The following ABCG2 variants were observed in gnomAD, a reference collection of about 807,000 sequenced individuals.
ABCG2 encodes broad substrate specificity ATP-binding cassette transporter ABCG2.
In ABCG2, 80 loss-of-function variants were observed where a neutral mutation model predicts 73.5. The observed-to-expected ratio is 1.09, with a 90% CI of 0.91 to 1.31. The LOEUF (loss-of-function observed/expected upper bound fraction) is 1.31, where lower values mean the gene tolerates loss of function less well. Ranked by LOEUF, ABCG2 falls within the 50% of genes most tolerant of loss-of-function variation. The probability of loss-of-function intolerance (pLI) is 0.00; values close to 1 mark genes in which losing one functional copy is unlikely to be tolerated. For synonymous variants in ABCG2, 269 were observed against 282.4 expected (o/e 0.95, Z 0.48); for missense variants, 796 against 786.2 (o/e 1.01, Z -0.15).
intron 11 of ABCG2, among the ~76,000 whole-genome samples, chr4:88,100,427 C>G (rs1166502727): frequency 6.6e-6 from 1 of 150,980 alleles, no homozygotes; most frequent in African/African-American, 2.4e-5. Context: ...CGCTTGAACC[C>G]GGGAGGTAGA....
rs184040530 is a variant in ABCG2 at position 88,205,722 on chromosome 4, G to A, written c.-20+25272C>T. Among the ~76,000 whole-genome samples the A allele has an allele frequency of 3.0e-3, 456 of 151,516 alleles. 2 individuals carry two copies. The highest frequency in any genetic ancestry group is 3.9e-3 in the Non-Finnish European group (266 of 67,902). ...TTTTGAGACGGAGTCTTGCTCTGTC[G>A]CCCAGGCTGGAGTGCAGTGGCGCGA... On this transcript the variant is annotated intron_variant, in intron 1 of 15. Transcript: ENST00000515655.
intron 9 of ABCG2, among the ~76,000 whole-genome samples, chr4:88,110,468 G>A (rs1056034795): frequency 1.3e-5 from 2 of 152,000 alleles, no homozygotes; most frequent in South Asian, 2.1e-4. Flanking sequence ...GCTTGAACCC[G>A]GGAGGCGGAG....
At chr4:88,177,239 T>A (rs1728033299) in intron 1 of ABCG2, among the ~76,000 whole-genome samples, 1 of 151,854 alleles carries the variant, frequency 6.6e-6, no homozygotes, top group Non-Finnish European at 1.5e-5. Flanking sequence ...GCCAGCATGG[T>A]GGCAGGCGCC....
At chr4:88,201,974 C>A (rs1729179350) in intron 1 of ABCG2, among the ~76,000 whole-genome samples, 1 of 152,050 alleles carries the variant, frequency 6.6e-6, no homozygotes, top group African/African-American at 2.4e-5. Context: ...GGAAGAAATT[C>A]TGATTTAATT....
chr4:88,199,792 A>G (rs1729081323), intron 1 of ABCG2, among the ~76,000 whole-genome samples: 1 of 151,664 alleles, frequency 6.6e-6, no homozygotes, highest in Admixed American at 6.6e-5. Flanking sequence ...AAGGTCAGGA[A>G]ATCGAGACTA....
intron 1 of ABCG2, among the ~76,000 whole-genome samples, chr4:88,140,517 G>C (rs1368488343): frequency 6.6e-6 from 1 of 152,020 alleles, no homozygotes. Context: ...AGCTACTTGG[G>C]AGGCTGAGGC....
chr4:88,162,851 C>T (rs1440967100), upstream of ABCG2, among the ~76,000 whole-genome samples: 1 of 152,168 alleles, frequency 6.6e-6, no homozygotes, highest in African/African-American at 2.4e-5. Context: ...TGCCCTCTGC[C>T]CTCCACCACA....
At chr4:88,100,320 C>A (rs922990168) in intron 11 of ABCG2, among the ~76,000 whole-genome samples, 1 of 151,682 alleles carries the variant, frequency 6.6e-6, no homozygotes, top group African/African-American at 2.4e-5. Flanking sequence ...GCCAACATGG[C>A]GAAACCCCAT....
intron 9 of ABCG2, among the ~76,000 whole-genome samples, chr4:88,107,665 T>A (rs1363689252): frequency 6.6e-6 from 1 of 152,240 alleles, no homozygotes; most frequent in Non-Finnish European, 1.5e-5. Flanking sequence ...GACCCTGAAC[T>A]GAACTCTCAA....
chr4:88,105,878 G>A (rs1462910936), intron 10 of ABCG2, among the ~76,000 whole-genome samples: 1 of 152,122 alleles, frequency 6.6e-6, no homozygotes, highest in Non-Finnish European at 1.5e-5. Flanking sequence ...TTTAAAATGG[G>A]CAAAGGACTT....
At chr4:88,194,298 C>A (rs980840109) in intron 1 of ABCG2, among the ~76,000 whole-genome samples, 1 of 151,538 alleles carries the variant, frequency 6.6e-6, no homozygotes, top group Admixed American at 6.6e-5. Context: ...CGCCTGTAAT[C>A]TCAGCACTTT....
intron 10 of ABCG2, among the ~76,000 whole-genome samples, chr4:88,106,171 T>C (rs1722755604): frequency 6.6e-6 from 1 of 152,128 alleles, no homozygotes; most frequent in Non-Finnish European, 1.5e-5. Flanking sequence ...AGGGTCGAAC[T>C]CTGTCACCCA....
At chr4:88,161,040 G>T (rs1224644873), upstream of ABCG2, among the ~76,000 whole-genome samples, 2 of 151,686 alleles carry the variant, frequency 1.3e-5, no homozygotes, top group African/African-American at 2.4e-5. Context: ...AATTACACTG[G>T]GTGTGGTGGC....
chr4:88,160,289 C>T (rs3114019), upstream of ABCG2, among the ~76,000 whole-genome samples: 122,476 of 151,754 alleles, frequency 0.81, 49,755 homozygotes, highest in African/African-American at 0.9. Context: ...TGGCCGTTAA[C>T]GACTGTTTGC....
chr4:88,144,067 T>A (rs1171310644), intron 1 of ABCG2, among the ~76,000 whole-genome samples: 1 of 152,218 alleles, frequency 6.6e-6, no homozygotes, highest in Non-Finnish European at 1.5e-5. Context: ...CATCTTTTTA[T>A]ATCAAGGAAA....
chr4:88,116,895 T>C (rs1040775178), intron 7 of ABCG2, among the ~76,000 whole-genome samples: 2 of 152,182 alleles, frequency 1.3e-5, no homozygotes, highest in Non-Finnish European at 2.9e-5. Flanking sequence ...AAATCACACA[T>C]TTCAATTTGA....
chr4:88,142,274 GA>G (rs1461724509), intron 1 of ABCG2, among the ~76,000 whole-genome samples: 1 of 151,992 alleles, frequency 6.6e-6, no homozygotes, highest in African/African-American at 2.4e-5. Context: ...TTCCAAAACT[GA>G]CAAAGGTATC....
chr4:88,221,259 T>C lies in ABCG2; in HGVS notation c.-20+9735A>G, dbSNP rs1289708269. Among the ~76,000 whole-genome samples the C allele has an allele frequency of 2.0e-5, 3 of 149,028 alleles. No individual in the cohort carries two copies. In the Admixed American group the frequency reaches 2.0e-4, roughly 10 times the overall value. On this transcript the variant is annotated intron_variant, in intron 1 of 15. Transcript: ENST00000515655. ...ACTCCGGCCTAGGCAAGAATGAAACTGTGTCTCAAAATAAATACATAAATA... is the reference window on the plus strand; with the variant it reads ...ACTCCGGCCTAGGCAAGAATGAAACCGTGTCTCAAAATAAATACATAAATA...
chr4:88,200,898 T>C (rs1729136573), intron 1 of ABCG2, among the ~76,000 whole-genome samples: 1 of 152,114 alleles, frequency 6.6e-6, no homozygotes, highest in African/African-American at 2.4e-5. Context: ...GTAGAAATTT[T>C]GAACTAAATA....
Sources: gnomAD v4.1 joint callset for allele counts (sites outside exome capture counted in the v4.1 genomes callset) on GRCh38, gnomAD v4.1.1 for gene constraint, MANE v1.5 for transcripts, NCBI Gene and HGNC (gene_info 2026-07-23, HGNC 2026-07-21) for gene names.